MAST4: variants seen among roughly 807,000 people sequenced by gnomAD.
The protein encoded by MAST4 is microtubule-associated serine/threonine-protein kinase 4.
A neutral mutation model predicts 162.7 loss-of-function variants in MAST4; 89 were observed. The observed-to-expected ratio is 0.55, with a 90% CI of 0.46 to 0.65. The LOEUF (loss-of-function observed/expected upper bound fraction) is 0.65. MAST4 is among the 30% of genes least tolerant of loss of function. The probability of loss-of-function intolerance (pLI) is 0.00; values close to 1 mark genes in which losing one functional copy is unlikely to be tolerated. For missense variants in MAST4, 3,153 were observed against 3,374.0 expected, an observed-to-expected ratio of 0.93 and a Z score of 1.62; for synonymous variants, 1,479 against 1,361.1, an observed-to-expected ratio of 1.09 and a Z score of -1.91.
At chr5:66,620,471 C>T (rs1240626785) in intron 1 of MAST4, among the ~76,000 whole-genome samples, 1 of 151,922 alleles carries the variant, frequency 6.6e-6, no homozygotes, top group South Asian at 2.1e-4. Flanking sequence ...CTAATACTTG[C>T]CGTTAATAAT....
chr5:66,904,981 G>A (rs2149993367), intron 4 of MAST4, among the ~76,000 whole-genome samples: 1 of 152,034 alleles, frequency 6.6e-6, no homozygotes, highest in East Asian at 1.9e-4. Context: ...CCATCTTTAT[G>A]TCCACACACA....
At chr5:66,893,981 T>C (rs892498673) in intron 3 of MAST4, among the ~76,000 whole-genome samples, 3 of 152,180 alleles carry the variant, frequency 2.0e-5, no homozygotes, top group Admixed American at 2.0e-4. Flanking sequence ...TAGGAGATCC[T>C]ATCCCTGGAT....
At chr5:67,067,697 G>A (rs1316718079) in intron 5 of MAST4, among the ~76,000 whole-genome samples, 2 of 152,178 alleles carry the variant, frequency 1.3e-5, no homozygotes, top group South Asian at 2.1e-4. Context: ...CAGTTACTCT[G>A]GTTTCGAGCT....
chr5:66,905,993 A>G (rs1763330720), intron 4 of MAST4, among the ~76,000 whole-genome samples: 1 of 152,216 alleles, frequency 6.6e-6, no homozygotes, highest in African/African-American at 2.4e-5. Flanking sequence ...GAGATTCTCT[A>G]TAGAATGTAG....
intron 1 of MAST4, among the ~76,000 whole-genome samples, chr5:66,603,631 A>G (rs1742688565): frequency 6.6e-6 from 1 of 152,242 alleles, no homozygotes. Context: ...CAAAAATACA[A>G]GAACTCCTGT....
At chr5:66,751,032 G>T (rs372793662) in intron 1 of MAST4, among the ~76,000 whole-genome samples, 3 of 152,064 alleles carry the variant, frequency 2.0e-5, no homozygotes, top group African/African-American at 4.8e-5. Flanking sequence ...CCCAGCAGGG[G>T]CACACTGACA....
At chr5:67,050,853 A>G (rs1394415657) in intron 4 of MAST4, among the ~76,000 whole-genome samples, 1 of 152,220 alleles carries the variant, frequency 6.6e-6, no homozygotes, top group East Asian at 1.9e-4. Context: ...GAGAACTGAT[A>G]GAGGGTACTT....
At chr5:66,697,955 C>T (rs891131720) in intron 1 of MAST4, among the ~76,000 whole-genome samples, 12 of 152,108 alleles carry the variant, frequency 7.9e-5, no homozygotes, top group African/African-American at 2.2e-4. Flanking sequence ...AGCTACAGCA[C>T]GTCCTAACTC....
In MAST4 at chr5:66,973,816, C is replaced by T. The variant is rs537431060; in HGVS notation, c.674+73834C>T. On this transcript the variant is annotated intron_variant, in intron 4 of 28. Coordinates refer to ENST00000403625, the MANE Select transcript of MAST4 (RefSeq NM_001164664.2). ...TAGGAAGATTGACTCATACATTTTTCTATAGAATAAAATGGAAGACAAATA... is the reference window on the plus strand; with the variant it reads ...TAGGAAGATTGACTCATACATTTTTTTATAGAATAAAATGGAAGACAAATA... Among the ~76,000 whole-genome samples the T allele has an allele frequency of 1.4e-4, 22 of 152,206 alleles. 1 individual carries two copies. The South Asian group carries it at 4.4e-3, about 30-fold the overall frequency.
At chr5:66,690,417 T>G (rs1748964351) in intron 1 of MAST4, among the ~76,000 whole-genome samples, 1 of 152,202 alleles carries the variant, frequency 6.6e-6, no homozygotes, top group South Asian at 2.1e-4. Flanking sequence ...AAGTTTGTTT[T>G]CATTGTCCGG....
intron 4 of MAST4, among the ~76,000 whole-genome samples, chr5:67,007,389 C>A (rs1189998549): frequency 6.6e-6 from 1 of 152,184 alleles, no homozygotes; most frequent in Non-Finnish European, 1.5e-5. Flanking sequence ...GGTGAGGACA[C>A]CTTGCTGTCA....
intron 3 of MAST4, among the ~76,000 whole-genome samples, chr5:66,896,572 T>G (rs1462104002): frequency 6.6e-6 from 1 of 152,222 alleles, no homozygotes; most frequent in African/African-American, 2.4e-5. Context: ...AATCATAAAT[T>G]TACCCTTAGT....
chr5:67,048,970 C>CATATAT (rs367955442), intron 4 of MAST4, among the ~76,000 whole-genome samples: 21 of 117,932 alleles, frequency 1.8e-4, no homozygotes, highest in African/African-American at 7.1e-4. Flanking sequence ...ATACATATAG[C>CATATAT]ATATATATAT....
At chr5:66,884,280 T>C (rs1407480514) in intron 3 of MAST4, among the ~76,000 whole-genome samples, 1 of 152,142 alleles carries the variant, frequency 6.6e-6, no homozygotes, top group Non-Finnish European at 1.5e-5. Context: ...AATAAGTAAA[T>C]CCTTTAAGCT....
At chr5:66,943,880 C>T (rs1252853504) in intron 4 of MAST4, among the ~76,000 whole-genome samples, 1 of 152,008 alleles carries the variant, frequency 6.6e-6, no homozygotes, top group Non-Finnish European at 1.5e-5. Flanking sequence ...AATCATTATG[C>T]AAGGTGTGTT....
chr5:67,024,083 C>T (rs1581236131), intron 4 of MAST4, among the ~76,000 whole-genome samples: 1 of 151,054 alleles, frequency 6.6e-6, no homozygotes, highest in South Asian at 2.1e-4. Context: ...AACCCCTGGC[C>T]ACCCCCATTC....
chr5:66,814,001 G>A (rs970119357), intron 3 of MAST4, among the ~76,000 whole-genome samples: 1 of 152,160 alleles, frequency 6.6e-6, no homozygotes, highest in African/African-American at 2.4e-5. Flanking sequence ...CAGGAGAGAG[G>A]AGTTGAACAC....
chr5:66,877,492 C>T (rs1458693115), intron 3 of MAST4, among the ~76,000 whole-genome samples: 1 of 152,118 alleles, frequency 6.6e-6, no homozygotes, highest in South Asian at 2.1e-4. Context: ...GATTCAAGCC[C>T]GATTACTCTG....
At chr5:66,700,569 A>G (rs1418602364) in intron 1 of MAST4, among the ~76,000 whole-genome samples, 2 of 152,050 alleles carry the variant, frequency 1.3e-5, no homozygotes, top group African/African-American at 2.4e-5. Flanking sequence ...CTGTAATCCC[A>G]GCTAACTGGG....
Sources: allele counts gnomAD v4.1 joint callset (sites outside exome capture counted in the v4.1 genomes callset), GRCh38; gene constraint gnomAD v4.1.1; transcripts MANE v1.5; gene names NCBI Gene and HGNC (gene_info 2026-07-23, HGNC 2026-07-21).